The following C1orf21 variants were observed in gnomAD, a reference collection of about 807,000 sequenced individuals.
C1orf21 encodes chromosome 1 open reading frame 21, also known as uncharacterized protein C1orf21.
Under a neutral mutation model 18.7 loss-of-function variants are expected in C1orf21, and 3 were observed. The ratio of observed to expected loss-of-function variants is 0.16; its 90% confidence interval spans 0.07 to 0.42. The LOEUF is 0.42. Ranked by LOEUF, C1orf21 falls within the 10% of genes least tolerant of loss-of-function variation. The pLI, the probability that C1orf21 is intolerant of heterozygous loss-of-function variation, is 0.99. For synonymous variants in C1orf21, 41 were observed against 46.4 expected (o/e 0.88, Z 0.47); for missense variants, 104 against 143.6 (o/e 0.72, Z 1.41).
intron 3 of C1orf21, among the ~76,000 whole-genome samples, chr1:184,570,383 T>A (rs1056299677): frequency 6.6e-6 from 1 of 152,188 alleles, no homozygotes; most frequent in African/African-American, 2.4e-5. Context: ...TAAATTGTAA[T>A]GTTGTTTAAA....
At chr1:184,559,525 T>TCCTCCCCC (rs1658927629) in intron 3 of C1orf21, among the ~76,000 whole-genome samples, 1 of 105,812 alleles carries the variant, frequency 9.5e-6, no homozygotes, top group Non-Finnish European at 1.8e-5. Context: ...CTTCCTTCCT[T>TCCTCCCCC]CCTTCCTTCC....
intron 1 of C1orf21, among the ~76,000 whole-genome samples, chr1:184,435,275 T>C (rs1432202238): frequency 1.3e-5 from 2 of 152,180 alleles, no homozygotes; most frequent in African/African-American, 4.8e-5. Context: ...AGCACTGAGC[T>C]CAGGGATATG....
At chr1:184,605,692 T>C (rs1217787207) in intron 5 of C1orf21, among the ~76,000 whole-genome samples, 1 of 152,204 alleles carries the variant, frequency 6.6e-6, no homozygotes, top group Non-Finnish European at 1.5e-5. Context: ...GCAGCAGCTG[T>C]GTGACCCCAG....
At chr1:184,515,810 A>G (rs1054585267) in intron 3 of C1orf21, among the ~76,000 whole-genome samples, 4 of 151,982 alleles carry the variant, frequency 2.6e-5, no homozygotes, top group South Asian at 2.1e-4. Flanking sequence ...CACATATTAC[A>G]TTAGTTTTCA....
chr1:184,508,768 T>C (rs1658102856), intron 3 of C1orf21, among the ~76,000 whole-genome samples: 1 of 152,186 alleles, frequency 6.6e-6, no homozygotes, highest in African/African-American at 2.4e-5. Context: ...TTTTGCTTCA[T>C]AAATGGGATT....
At chr1:184,495,591 C>A (rs1407976692) in intron 2 of C1orf21, among the ~76,000 whole-genome samples, 1 of 152,086 alleles carries the variant, frequency 6.6e-6, no homozygotes, top group Non-Finnish European at 1.5e-5. Flanking sequence ...CAAATAGCAT[C>A]AATATTCTCT....
intron 3 of C1orf21, among the ~76,000 whole-genome samples, chr1:184,530,745 C>A (rs1658450242): frequency 6.6e-6 from 1 of 151,604 alleles, no homozygotes; most frequent in African/African-American, 2.4e-5. Flanking sequence ...CAGCAACTAT[C>A]CTACCTTGAA....
At chr1:184,604,608 G>C (rs1015019589) in intron 5 of C1orf21, among the ~76,000 whole-genome samples, 1 of 152,122 alleles carries the variant, frequency 6.6e-6, no homozygotes. Context: ...CCAAATTAGA[G>C]CTATAATTAC....
chr1:184,468,011 T>TGAGA (rs57517174), intron 1 of C1orf21, among the ~76,000 whole-genome samples: 11 of 137,632 alleles, frequency 8.0e-5, no homozygotes, highest in Admixed American at 1.6e-4. Flanking sequence ...TGTGTGTGTG[T>TGAGA]GAGAGAGAGA....
chr1:184,472,352 AT>A (rs1571374506), intron 1 of C1orf21, among the ~76,000 whole-genome samples: 2 of 151,958 alleles, frequency 1.3e-5, no homozygotes, highest in East Asian at 3.9e-4. Flanking sequence ...TCAGAATTTG[AT>A]TTCTTTCCAG....
chr1:184,536,202 C>T (rs1658549645), intron 3 of C1orf21, among the ~76,000 whole-genome samples: 1 of 152,192 alleles, frequency 6.6e-6, no homozygotes, highest in Non-Finnish European at 1.5e-5. Flanking sequence ...AGATTTGACC[C>T]ATCTGACCTG....
intron 1 of C1orf21, among the ~76,000 whole-genome samples, chr1:184,443,480 A>G (rs1165855816): frequency 1.3e-5 from 2 of 152,206 alleles, no homozygotes; most frequent in African/African-American, 4.8e-5. Flanking sequence ...CATCTCCTCT[A>G]GCATTCATCA....
At chr1:184,517,450 A>G (rs1282039860) in intron 3 of C1orf21, among the ~76,000 whole-genome samples, 1 of 152,230 alleles carries the variant, frequency 6.6e-6, no homozygotes. Flanking sequence ...TTAGAGACCA[A>G]CTAATGCAAA....
At chr1:184,575,996 C>T (rs976518455) in intron 3 of C1orf21, among the ~76,000 whole-genome samples, 3 of 152,102 alleles carry the variant, frequency 2.0e-5, no homozygotes, top group African/African-American at 4.8e-5. Context: ...AAATGGGAGA[C>T]GGGGACAGAG....
intron 3 of C1orf21, among the ~76,000 whole-genome samples, chr1:184,563,101 C>T (rs186587192): frequency 2.1e-4 from 32 of 152,270 alleles, no homozygotes; most frequent in African/African-American, 7.5e-4. Flanking sequence ...GCTAAGATTT[C>T]CTGATTGCCA....
chr1:184,469,227 G>T (rs1320572960), intron 1 of C1orf21, among the ~76,000 whole-genome samples: 5 of 152,208 alleles, frequency 3.3e-5, no homozygotes, highest in Non-Finnish European at 4.4e-5. Flanking sequence ...TCCAGTCTGG[G>T]TGACAGAGTG....
At chr1:184,544,310 T>C (rs1164196391) in intron 3 of C1orf21, among the ~76,000 whole-genome samples, 1 of 152,206 alleles carries the variant, frequency 6.6e-6, no homozygotes, top group Admixed American at 6.5e-5. Flanking sequence ...TCAGAGTCTC[T>C]TATTGTGTAA....
intron 1 of C1orf21, among the ~76,000 whole-genome samples, chr1:184,423,639 G>A (rs1656583041): frequency 6.6e-6 from 1 of 152,170 alleles, no homozygotes; most frequent in South Asian, 2.1e-4. Flanking sequence ...AATCCATTCT[G>A]CAGCACCCCT....
chr1:184,492,438 TTA>T (rs1657830391), intron 2 of C1orf21, among the ~76,000 whole-genome samples: 1 of 152,230 alleles, frequency 6.6e-6, no homozygotes, highest in Admixed American at 6.5e-5. Context: ...ATTGGCAAGA[TTA>T]TATATGATTA....
Sources: allele counts gnomAD v4.1 joint callset (sites outside exome capture counted in the v4.1 genomes callset), GRCh38; gene constraint gnomAD v4.1.1; transcripts MANE v1.5; gene names NCBI Gene and HGNC (gene_info 2026-07-23, HGNC 2026-07-21).